The following KHDRBS2 variants were observed in gnomAD, a reference collection of about 807,000 sequenced individuals.
The protein encoded by KHDRBS2 is KH domain-containing, RNA-binding, signal transduction-associated protein 2.
In KHDRBS2, 26 loss-of-function variants were observed where a neutral mutation model predicts 44.3. The observed-to-expected ratio is 0.59, with a 90% CI of 0.43 to 0.81. The LOEUF (loss-of-function observed/expected upper bound fraction) is 0.81. Ranked by LOEUF, KHDRBS2 falls within the 40% of genes least tolerant of loss-of-function variation. The pLI is 0.00. For synonymous variants in KHDRBS2, 194 were observed against 151.1 expected, an observed-to-expected ratio of 1.28 and a Z score of -2.08; for missense variants, 476 against 433.1, an observed-to-expected ratio of 1.10 and a Z score of -0.88.
chr6:61,970,272 T>A (rs1223130832), intron 4 of KHDRBS2, among the ~76,000 whole-genome samples: 1 of 151,980 alleles, frequency 6.6e-6, no homozygotes, highest in Admixed American at 6.6e-5. Context: ...GAAAAGTTTC[T>A]TGTTTGCATG....
At chr6:62,228,708 T>A (rs1209722535) in intron 1 of KHDRBS2, among the ~76,000 whole-genome samples, 3 of 152,170 alleles carry the variant, frequency 2.0e-5, no homozygotes, top group Non-Finnish European at 4.4e-5. Flanking sequence ...GTTAGCTGTG[T>A]CCCAGCTAAT....
At chr6:61,588,939 A>G in the KHDRBS2 span, among the ~76,000 whole-genome samples, 1 of 152,186 alleles carries the variant, frequency 6.6e-6, no homozygotes, top group South Asian at 2.1e-4. Flanking sequence ...GCTGGAAACC[A>G]TCATCCTCAG....
intron 4 of KHDRBS2, among the ~76,000 whole-genome samples, chr6:61,929,387 T>C (rs1016934188): frequency 6.6e-6 from 1 of 152,206 alleles, no homozygotes; most frequent in Non-Finnish European, 1.5e-5. Flanking sequence ...CATCAGTTTT[T>C]CAACCTGCAC....
intron 2 of KHDRBS2, among the ~76,000 whole-genome samples, chr6:62,074,700 A>C (rs1391916222): frequency 6.6e-6 from 1 of 151,902 alleles, no homozygotes; most frequent in African/African-American, 2.4e-5. Flanking sequence ...GAGCTTTATC[A>C]CACATTCTTA....
chr6:61,551,067 C>A, the KHDRBS2 span, among the ~76,000 whole-genome samples: 1 of 152,150 alleles, frequency 6.6e-6, no homozygotes, highest in East Asian at 1.9e-4. Context: ...AGTCACCATG[C>A]CCATCCAAGT....
the KHDRBS2 span, among the ~76,000 whole-genome samples, chr6:61,573,460 G>T: frequency 6.6e-6 from 1 of 151,654 alleles, no homozygotes; most frequent in African/African-American, 2.4e-5. Flanking sequence ...CACAGAACTA[G>T]AAAAAAAAGA....
At chr6:61,671,107 G>A in the KHDRBS2 span, among the ~76,000 whole-genome samples, 4 of 151,608 alleles carry the variant, frequency 2.6e-5, no homozygotes, top group African/African-American at 4.8e-5. Flanking sequence ...TAGAGGATAC[G>A]AAATATGGTG....
intron 2 of KHDRBS2, among the ~76,000 whole-genome samples, chr6:62,167,270 T>C (rs1562987626): frequency 1.3e-5 from 2 of 151,858 alleles, no homozygotes; most frequent in Non-Finnish European, 2.9e-5. Context: ...ATCAAGGACA[T>C]ATTCGTAAGG....
intron 2 of KHDRBS2, among the ~76,000 whole-genome samples, chr6:62,086,643 C>A (rs1214168129): frequency 1.3e-5 from 2 of 152,118 alleles, no homozygotes; most frequent in African/African-American, 2.4e-5. Context: ...TTATTAGCAT[C>A]TGTTCAGGAT....
At chr6:62,169,136 C>CACATATATGTGTGTATATATACATAT (rs1819377994) in intron 2 of KHDRBS2, among the ~76,000 whole-genome samples, 1 of 78,408 alleles carries the variant, frequency 1.3e-5, no homozygotes, top group Admixed American at 1.2e-4. Flanking sequence ...TACATATACA[C>CACATATATGTGTGTATATATACATAT]ACATATATGT....
the KHDRBS2 span, among the ~76,000 whole-genome samples, chr6:61,596,660 T>A: frequency 3.9e-4 from 60 of 152,192 alleles, no homozygotes; most frequent in Admixed American, 3.1e-3. Context: ...TTAATTAATT[T>A]ATTTATTTTT....
the KHDRBS2 span, among the ~76,000 whole-genome samples, chr6:61,600,308 C>G: frequency 2.6e-5 from 4 of 152,070 alleles, no homozygotes; most frequent in Non-Finnish European, 4.4e-5. Context: ...CCTGCCTTAA[C>G]TGATGACAGT....
At chr6:62,246,838 G>A (rs944454520) in intron 1 of KHDRBS2, among the ~76,000 whole-genome samples, 3 of 151,830 alleles carry the variant, frequency 2.0e-5, no homozygotes, top group Non-Finnish European at 2.9e-5. Flanking sequence ...TTTTTTAAAA[G>A]AAACTAAAAT....
intron 2 of KHDRBS2, among the ~76,000 whole-genome samples, chr6:62,066,280 G>A (rs1793705937): frequency 6.6e-6 from 1 of 151,634 alleles, no homozygotes; most frequent in South Asian, 2.1e-4. Flanking sequence ...AAAATCATCT[G>A]TAGAGGTACC....
At chr6:62,006,336 C>A (rs868373666) in intron 3 of KHDRBS2, among the ~76,000 whole-genome samples, 7 of 151,956 alleles carry the variant, frequency 4.6e-5, no homozygotes, top group African/African-American at 9.7e-5. Flanking sequence ...AAAAATGAAT[C>A]TTGTAAGACA....
chr6:62,058,625 T>C (rs559962559), intron 2 of KHDRBS2, among the ~76,000 whole-genome samples: 1 of 152,028 alleles, frequency 6.6e-6, no homozygotes, highest in African/African-American at 2.4e-5. Flanking sequence ...ACATTTCAGG[T>C]ATTCATAGTA....
intron 6 of KHDRBS2, among the ~76,000 whole-genome samples, chr6:61,766,692 A>G (rs1240092219): frequency 3.3e-5 from 5 of 151,884 alleles, no homozygotes; most frequent in Non-Finnish European, 7.4e-5. Context: ...AAATTTTTAA[A>G]TTTTCTTCCT....
At chr6:61,816,671 G>C in intron 6 of KHDRBS2, 1 of 435,114 alleles carries the variant, frequency 2.3e-6, no homozygotes, top group East Asian at 7.2e-5. Flanking sequence ...TATCTGTTTT[G>C]AAAATCCAGT....
chr6:61,793,962 T>C (rs1784975467), intron 6 of KHDRBS2, among the ~76,000 whole-genome samples: 1 of 152,158 alleles, frequency 6.6e-6, no homozygotes, highest in Admixed American at 6.6e-5. Context: ...TTTACCTACA[T>C]GATGACAATT....
Sources: allele counts gnomAD v4.1 joint callset (sites outside exome capture counted in the v4.1 genomes callset), GRCh38; gene constraint gnomAD v4.1.1; transcripts MANE v1.5; gene names NCBI Gene and HGNC (gene_info 2026-07-23, HGNC 2026-07-21).